Variants in NBDY observed in about 807,000 individuals in gnomAD.
NBDY encodes P-body dissociating protein.
chrX:56,816,283 A>G (rs1158676392), intron 2 of NBDY, among the ~76,000 whole-genome samples: 1 of 111,505 alleles, frequency 9.0e-6, no homozygotes, highest in Non-Finnish European at 1.9e-5. Context: ...TATTTGCCAC[A>G]ATCAAAAAAG....
chrX:56,817,075 G>A (rs947480556), intron 2 of NBDY, among the ~76,000 whole-genome samples: 2 of 111,031 alleles, frequency 1.8e-5, no homozygotes, highest in Admixed American at 1.9e-4. Flanking sequence ...AGAAACATCT[G>A]GTCCACCTAA....
chrX:56,737,497 G>T (rs1024674641), intron 2 of NBDY: 23 of 918,498 alleles, frequency 2.5e-5, no homozygotes, highest in Non-Finnish European at 3.6e-5. Context: ...CCAGTTTATT[G>T]AATCCTGCAG....
intron 2 of NBDY, among the ~76,000 whole-genome samples, chrX:56,764,717 A>AAG (rs2069656909): frequency 9.3e-6 from 1 of 107,706 alleles, no homozygotes; most frequent in African/African-American, 3.4e-5. Context: ...AAAAAAAAAA[A>AAG]AAAAAGAAAC....
At chrX:56,744,889 T>G (rs750947156) in intron 2 of NBDY, among the ~76,000 whole-genome samples, 1 of 111,859 alleles carries the variant, frequency 8.9e-6, no homozygotes, top group South Asian at 3.7e-4. Context: ...ACAATATTCA[T>G]AGTTTCATGG....
chrX:56,802,436 C>A (rs866093818), intron 2 of NBDY, among the ~76,000 whole-genome samples: 2 of 102,945 alleles, frequency 1.9e-5, no homozygotes, highest in African/African-American at 7.1e-5. Context: ...CCCTCCCCCC[C>A]ACCCCATGTG....
intron 2 of NBDY, among the ~76,000 whole-genome samples, chrX:56,808,075 G>A (rs1228149786): frequency 8.9e-6 from 1 of 112,292 alleles, no homozygotes; most frequent in Non-Finnish European, 1.9e-5. Context: ...AGATAAGTGT[G>A]TGGTTTTTTG....
intron 2 of NBDY, among the ~76,000 whole-genome samples, chrX:56,794,491 C>A (rs1310014906): frequency 8.9e-6 from 1 of 112,206 alleles, no homozygotes; most frequent in Admixed American, 9.4e-5. Flanking sequence ...TACGAGGTCA[C>A]TTTGCGGAAA....
At chrX:56,802,587 G>A (rs2069829379) in intron 2 of NBDY, among the ~76,000 whole-genome samples, 1 of 112,741 alleles carries the variant, frequency 8.9e-6, no homozygotes, top group African/African-American at 3.2e-5. Context: ...AGCCCAAGGT[G>A]GTAAACTCTA....
chrX:56,760,737 G>T (rs185437830), intron 2 of NBDY, among the ~76,000 whole-genome samples: 5 of 111,757 alleles, frequency 4.5e-5, no homozygotes, highest in African/African-American at 1.6e-4. Context: ...AAACAAACCG[G>T]CCAAAGAGCA....
intron 2 of NBDY, chrX:56,811,237 A>G (rs1396852115): frequency 9.0e-6 from 1 of 111,698 alleles, no homozygotes; most frequent in Non-Finnish European, 1.9e-5. Context: ...AGTGTCAGGG[A>G]TTCACTTGAG....
At chrX:56,813,938 G>A (rs1201995590) in intron 2 of NBDY, among the ~76,000 whole-genome samples, 1 of 111,488 alleles carries the variant, frequency 9.0e-6, no homozygotes, top group Non-Finnish European at 1.9e-5. Flanking sequence ...CATTGTCATT[G>A]CTTCTTCTCA....
Position 56,736,413 on chromosome X carries a change from C to T in NBDY, c.*166+4214C>T, listed in dbSNP as rs1199260730. ...CCAAACAGCTGGGACCACCGGTGCC[C>T]GCCACCATGCCCGGCCAATTTTCCG... On this transcript the variant is annotated intron_variant, in intron 2 of 2. Transcript: ENST00000374922. 8.1e-5 allele frequency among the ~76,000 whole-genome samples: 9 copies of T among 111,357 alleles called. No individual in the cohort carries two copies. The South Asian group carries it at 1.5e-3, about 19-fold the overall frequency.
intron 2 of NBDY, among the ~76,000 whole-genome samples, chrX:56,751,880 G>A (rs1487895564): frequency 1.8e-5 from 2 of 112,294 alleles, no homozygotes; most frequent in Non-Finnish European, 3.8e-5. Context: ...GTAATCTGCA[G>A]TGTTTATTGC....
chrX:56,788,758 T>C (rs778656501), intron 2 of NBDY, among the ~76,000 whole-genome samples: 2 of 112,756 alleles, frequency 1.8e-5, no homozygotes, highest in Admixed American at 1.9e-4. Context: ...TGGCTTCCCT[T>C]ATGCGTATCT....
intron 2 of NBDY, among the ~76,000 whole-genome samples, chrX:56,795,694 C>G (rs959855953): frequency 3.6e-5 from 4 of 112,135 alleles, no homozygotes; most frequent in African/African-American, 9.7e-5. Context: ...CTGGGCATTC[C>G]GTGGAGAAGA....
intron 2 of NBDY, among the ~76,000 whole-genome samples, chrX:56,739,559 C>A (rs1419123909): frequency 1.9e-5 from 2 of 108,086 alleles, no homozygotes; most frequent in Non-Finnish European, 3.8e-5. Flanking sequence ...CATAGATTGT[C>A]CTTTAATTTA....
intron 2 of NBDY, among the ~76,000 whole-genome samples, chrX:56,767,261 C>A (rs2069670696): frequency 8.8e-6 from 1 of 113,646 alleles, no homozygotes; most frequent in African/African-American, 3.2e-5. Context: ...GCCTCCACAG[C>A]GTTCCGACAA....
intron 2 of NBDY, among the ~76,000 whole-genome samples, chrX:56,758,732 G>T (rs1336672927): frequency 1.8e-5 from 2 of 111,976 alleles, no homozygotes; most frequent in Non-Finnish European, 3.8e-5. Context: ...GGGTGTGGAA[G>T]TGGAGGTTGA....
At chrX:56,746,356 A>G (rs1465015734) in intron 2 of NBDY, among the ~76,000 whole-genome samples, 5 of 111,075 alleles carry the variant, frequency 4.5e-5, no homozygotes, top group Non-Finnish European at 1.9e-5. Context: ...CTCTCCTGTT[A>G]TTCTTACCTC....
Sources: gnomAD v4.1 joint callset for allele counts (sites outside exome capture counted in the v4.1 genomes callset) on GRCh38, gnomAD v4.1.1 for gene constraint, MANE v1.5 for transcripts, NCBI Gene and HGNC (gene_info 2026-07-23, HGNC 2026-07-21) for gene names.